Variants in SLC17A1 observed in about 807,000 individuals in gnomAD.
The protein encoded by SLC17A1 is sodium-dependent phosphate transport protein 1.
Under a neutral mutation model 53.5 loss-of-function variants are expected in SLC17A1, and 51 were observed. That is an observed-to-expected ratio of 0.95 (90% CI 0.76 to 1.20). The LOEUF is 1.20. Ranked by LOEUF, SLC17A1 falls within the 50% of genes most tolerant of loss-of-function variation. SLC17A1 has a pLI of 0.00. For missense variants in SLC17A1, 538 were observed against 568.2 expected (o/e 0.95, Z 0.54); for synonymous variants, 179 against 198.8 (o/e 0.90, Z 0.84).
At position 25,811,465 on chromosome 6, in the gene SLC17A1, G is replaced by T. The variant is rs777740570; in HGVS notation, c.1111C>A (p.Leu371Ile). 1 of 1,613,992 alleles carries T rather than the reference G, an allele frequency of 6.2e-7. No individual in the cohort carries two copies. Among genetic ancestry groups the T allele is most frequent in the Non-Finnish European group, 8.5e-7 (1 of 1,179,924 alleles). Residue 371 changes from leucine to isoleucine, a missense_variant, in exon 10 of 13, where the codon CTT becomes ATT. By Grantham distance (5) the Leu-to-Ile change is conservative. Coordinates refer to ENST00000244527, the MANE Select transcript of SLC17A1 (RefSeq NM_005074.5). Reference protein sequence around the residue: ...TFYSIVIFLILAGATGSFCLG... With the variant: ...TFYSIVIFLIIAGATGSFCLG... ...CAAAAGCTGCCTGTTGCACCAGCAA[G>T]TATTAGGAAAATGACAATGCTGTAG...
chr6:25,805,777 A>G (rs761912741), intron 10 of SLC17A1, among the ~76,000 whole-genome samples: 4 of 152,144 alleles, frequency 2.6e-5, no homozygotes, highest in Non-Finnish European at 5.9e-5. Flanking sequence ...GAGGAAATGG[A>G]CAAATTCCTG....
At chr6:25,729,242 TA>T in the SLC17A1 span, among the ~76,000 whole-genome samples, 1 of 152,220 alleles carries the variant, frequency 6.6e-6, no homozygotes, top group East Asian at 1.9e-4. Context: ...TAGGAAATGC[TA>T]GCTGAACTGG....
At position 25,791,003 on chromosome 6, in the gene SLC17A1, T is replaced by A. The variant is rs568499526; in HGVS notation, c.*2+7780A>T. ...AAAATACAATGAATAAAAATCAGAT[T>A]CAGAAAATATAAGATAACAACCTTA... is the stretch of plus-strand genomic sequence containing the variant. On this transcript the variant is annotated intron_variant, in intron 12 of 12. Transcript: ENST00000244527. 7.2e-5 allele frequency among the ~76,000 whole-genome samples: 11 copies of A among 152,264 alleles called. No homozygotes were observed. In the East Asian group the frequency reaches 2.1e-3, roughly 29 times the overall value.
At chr6:25,729,180 C>T in the SLC17A1 span, among the ~76,000 whole-genome samples, 1 of 152,224 alleles carries the variant, frequency 6.6e-6, no homozygotes, top group African/African-American at 2.4e-5. Flanking sequence ...AAACTGTTTT[C>T]AGACCAAACT....
At chr6:25,723,898 TTA>T in the SLC17A1 span, among the ~76,000 whole-genome samples, 21 of 152,034 alleles carry the variant, frequency 1.4e-4, no homozygotes, top group Non-Finnish European at 2.6e-4. Flanking sequence ...CAGGACAAAA[TTA>T]TATGATTTTT....
intron 1 of SLC17A1, 114 bp from the exon 2 acceptor site, chr6:25,830,721 C>G: frequency 1.7e-6 from 1 of 578,304 alleles, no homozygotes. Context: ...TGCTCCATCA[C>G]AGCAGTGCCC....
chr6:25,811,264 AATGCAT>A, intron 10 of SLC17A1, 128 bp downstream of exon 10: 1 of 881,330 alleles, frequency 1.1e-6, no homozygotes, highest in Non-Finnish European at 1.8e-6. Flanking sequence ...TGTGTGAGGT[AATGCAT>A]ATGTTACTTT....
In SLC17A1 at chr6:25,798,770, G is replaced by C. The variant is rs1323361984; in HGVS notation, c.*2+13C>G. The C allele has an allele frequency of 1.9e-6, 3 of 1,593,372 alleles. No homozygotes were observed. The highest frequency in any genetic ancestry group is 1.7e-6 in the Non-Finnish European group (2 of 1,166,300). On this transcript the variant is annotated intron_variant, in intron 12 of 12. Coordinates refer to ENST00000244527, the MANE Select transcript of SLC17A1 (RefSeq NM_005074.5). ...CAGTTTCAAAAATTGTCCTTAATCT[G>C]ATCACTTCTCACCTTCAGAGACGTG...
intron 11 of SLC17A1, among the ~76,000 whole-genome samples, chr6:25,800,474 G>A (rs1412107070): frequency 2.0e-5 from 3 of 151,976 alleles, no homozygotes; most frequent in Non-Finnish European, 4.4e-5. Flanking sequence ...TCCATGACAT[G>A]TGCAAAAACA....
At chr6:25,760,506 T>C in the SLC17A1 span, among the ~76,000 whole-genome samples, 1 of 152,194 alleles carries the variant, frequency 6.6e-6, no homozygotes, top group African/African-American at 2.4e-5. Flanking sequence ...CTGAGAAATC[T>C]TGTGGTTTCA....
chr6:25,771,015 G>T, the SLC17A1 span: 1 of 1,612,460 alleles, frequency 6.2e-7, no homozygotes, highest in South Asian at 1.1e-5. Flanking sequence ...TATCTTTGGT[G>T]AGTGTGCTTT....
chr6:25,727,400 T>TG, the SLC17A1 span: 4 of 456,832 alleles, frequency 8.8e-6, no homozygotes, highest in South Asian at 2.1e-4. Flanking sequence ...ACCGTAAGGG[T>TG]TTTTTTTTTT....
chr6:25,763,075 G>A, the SLC17A1 span, among the ~76,000 whole-genome samples: 1 of 152,144 alleles, frequency 6.6e-6, no homozygotes, highest in African/African-American at 2.4e-5. Flanking sequence ...CTCACATAGT[G>A]TCCCTTCCTC....
At chr6:25,724,269 C>T in the SLC17A1 span, among the ~76,000 whole-genome samples, 2 of 152,102 alleles carry the variant, frequency 1.3e-5, no homozygotes, top group East Asian at 1.9e-4. Flanking sequence ...ACTAACAATA[C>T]AAAAGTTAGC....
chr6:25,774,475 A>C, the SLC17A1 span, among the ~76,000 whole-genome samples: 2 of 152,198 alleles, frequency 1.3e-5, no homozygotes, highest in Non-Finnish European at 2.9e-5. Flanking sequence ...CCTTCTTAGC[A>C]GTAGTCAGCA....
At chr6:25,822,922 A>T (rs1024041752) in intron 3 of SLC17A1, among the ~76,000 whole-genome samples, 8 of 152,048 alleles carry the variant, frequency 5.3e-5, no homozygotes, top group African/African-American at 1.9e-4. Context: ...CATATTCTTT[A>T]TCTCCAAAAA....
chr6:25,728,139 A>G, the SLC17A1 span, among the ~76,000 whole-genome samples: 2 of 152,210 alleles, frequency 1.3e-5, no homozygotes, highest in Non-Finnish European at 2.9e-5. Context: ...TTGCATTATG[A>G]TCCCAAATTT....
chr6:25,727,256 C>T, the SLC17A1 span: 24 of 1,610,428 alleles, frequency 1.5e-5, no homozygotes, highest in Non-Finnish European at 1.9e-5. Context: ...TGTCTGAGGG[C>T]ACCAAGGCTG....
chr6:25,770,966 T>C, the SLC17A1 span: 1 of 1,613,914 alleles, frequency 6.2e-7, no homozygotes, highest in Non-Finnish European at 8.5e-7. Flanking sequence ...TTGCTGGTGG[T>C]CTCCTCTGCC....
Sources: allele counts gnomAD v4.1 joint callset (sites outside exome capture counted in the v4.1 genomes callset), GRCh38; gene constraint gnomAD v4.1.1; transcripts MANE v1.5; gene names NCBI Gene and HGNC (gene_info 2026-07-23, HGNC 2026-07-21).